CELF2: variants seen among roughly 807,000 people sequenced by gnomAD.
CELF2 encodes the protein CUG triplet repeat RNA-binding protein 2.
CELF2 carries 8 observed loss-of-function variants against 62.6 expected under a neutral mutation model. The ratio of observed to expected loss-of-function variants is 0.13; its 90% CI spans 0.07 to 0.23. The LOEUF (loss-of-function observed/expected upper bound fraction) is 0.23, where lower values mean the gene tolerates loss of function less well. Ranked by LOEUF, CELF2 falls within the 10% of genes least tolerant of loss-of-function variation. The pLI is 1.00. For missense variants in CELF2, 333 were observed against 671.0 expected (o/e 0.50, Z 5.56); for synonymous variants, 258 against 250.0 (o/e 1.03, Z -0.30).
At chr10:10,675,613 T>C in the CELF2 span, among the ~76,000 whole-genome samples, 1 of 152,150 alleles carries the variant, frequency 6.6e-6, no homozygotes, top group South Asian at 2.1e-4. Context: ...ATGTCTTTTT[T>C]TTAGTTTTCC....
chr10:10,660,334 A>AT, the CELF2 span, among the ~76,000 whole-genome samples: 3 of 152,194 alleles, frequency 2.0e-5, no homozygotes, highest in African/African-American at 7.2e-5. Context: ...GGATAAGAAA[A>AT]TTGCCCAAGT....
intron 2 of CELF2, among the ~76,000 whole-genome samples, chr10:11,186,795 A>G (rs906243997): frequency 1.3e-5 from 2 of 152,212 alleles, no homozygotes; most frequent in African/African-American, 4.8e-5. Context: ...GCAAAAATCC[A>G]ATACATTTAC....
the CELF2 span, among the ~76,000 whole-genome samples, chr10:10,667,453 T>G: frequency 1.3e-5 from 2 of 152,190 alleles, no homozygotes; most frequent in Non-Finnish European, 2.9e-5. Context: ...AAGGAGATGT[T>G]TTTTAGCACA....
the CELF2 span, among the ~76,000 whole-genome samples, chr10:10,666,335 C>T: frequency 6.6e-6 from 1 of 152,142 alleles, no homozygotes; most frequent in East Asian, 1.9e-4. Context: ...TCAGTGGGGG[C>T]AGGTTGTGGG....
At chr10:10,513,332 A>C in the CELF2 span, among the ~76,000 whole-genome samples, 11 of 152,254 alleles carry the variant, frequency 7.2e-5, no homozygotes, top group South Asian at 2.3e-3. Context: ...GCTAGACCTG[A>C]TTTACTGAAA....
At chr10:10,906,224 A>G (rs1425765885) in intron 1 of CELF2, among the ~76,000 whole-genome samples, 5 of 152,218 alleles carry the variant, frequency 3.3e-5, no homozygotes, top group Admixed American at 6.5e-5. Context: ...AAATATTCTT[A>G]ATTTCCAGAG....
intron 1 of CELF2, among the ~76,000 whole-genome samples, chr10:10,803,685 A>G (rs560421540): frequency 6.6e-6 from 1 of 152,330 alleles, no homozygotes; most frequent in South Asian, 2.1e-4. Flanking sequence ...TAATATTCTC[A>G]TCACAGCATT....
intron 2 of CELF2, chr10:10,966,771 A>G (rs1288372019): frequency 6.6e-6 from 1 of 152,256 alleles, no homozygotes; most frequent in African/African-American, 2.4e-5. Context: ...GTGAGTTCCC[A>G]GCAGTCCTGT....
At chr10:10,886,638 G>T (rs968576664) in intron 1 of CELF2, among the ~76,000 whole-genome samples, 5 of 152,152 alleles carry the variant, frequency 3.3e-5, no homozygotes, top group Non-Finnish European at 5.9e-5. Context: ...GAAGTTCAAG[G>T]CCAGCCTAGG....
chr10:10,866,649 C>G (rs1017333035), intron 1 of CELF2, among the ~76,000 whole-genome samples: 1 of 145,260 alleles, frequency 6.9e-6, no homozygotes, highest in Non-Finnish European at 1.5e-5. Context: ...AATCAGGTTT[C>G]GTGCAGCTAA....
At chr10:10,465,257 A>G in the CELF2 span, among the ~76,000 whole-genome samples, 1 of 152,178 alleles carries the variant, frequency 6.6e-6, no homozygotes, top group African/African-American at 2.4e-5. Context: ...CAGAATCTTC[A>G]GGAAACAAGA....
chr10:10,995,790 G>A lies in CELF2; in HGVS notation c.89+75791G>A, dbSNP rs1413163061. Among the ~76,000 whole-genome samples the A allele has an allele frequency of 3.9e-5, 6 of 152,186 alleles. No homozygotes were observed. The highest frequency in any genetic ancestry group is 1.3e-4 in the Admixed American group (2 of 15,280). On this transcript the variant is annotated intron_variant, in intron 2 of 13. Coordinates refer to the CELF2 transcript ENST00000636488. This position sits in a 1 kb window ranked among gnomAD's most constrained non-coding sequence, Gnocchi z 4.7. ...TCTGATGGCCTCAACTAACGTAGTA[G>A]AGATGGGAGGAAGTGGTTGGGAAAG... is the stretch of plus-strand genomic sequence containing the variant.
At chr10:11,230,258 T>C (rs1369545689) in intron 3 of CELF2, among the ~76,000 whole-genome samples, 1 of 152,242 alleles carries the variant, frequency 6.6e-6, no homozygotes, top group Non-Finnish European at 1.5e-5. Context: ...CATTTCACAG[T>C]GCGTCTGTGT....
chr10:10,720,695 C>T, the CELF2 span, among the ~76,000 whole-genome samples: 2 of 152,156 alleles, frequency 1.3e-5, no homozygotes, highest in African/African-American at 4.8e-5. Flanking sequence ...TTAGGTCTGC[C>T]TATTTAAACC....
the CELF2 span, among the ~76,000 whole-genome samples, chr10:10,499,602 G>T: frequency 6.6e-6 from 1 of 152,130 alleles, no homozygotes; most frequent in African/African-American, 2.4e-5. Context: ...ACTCCTGGCT[G>T]GGCACAGTGA....
intron 1 of CELF2, among the ~76,000 whole-genome samples, chr10:11,057,205 A>G (rs2065471150): frequency 6.6e-6 from 1 of 151,910 alleles, no homozygotes; most frequent in Non-Finnish European, 1.5e-5. Flanking sequence ...ATGAGATGCA[A>G]CAGAAGCTAA....
chr10:10,685,851 G>A, the CELF2 span, among the ~76,000 whole-genome samples: 1 of 152,120 alleles, frequency 6.6e-6, no homozygotes, highest in African/African-American at 2.4e-5. Context: ...ACATTTAGAA[G>A]GTGTCTAATC....
rs759455546 is a variant in CELF2, at chr10:11,008,706, G to A, written c.53+3266G>A. ...ACAAGGAAGAGTGTTACGTGGGGAC[G>A]ATCATTCTGTATTTAAGGTGTCAGA... On this transcript the variant is annotated intron_variant, in intron 1 of 12. Coordinates refer to the CELF2 transcript ENST00000416382. This position sits in a 1 kb window ranked among gnomAD's most constrained non-coding sequence, Gnocchi z 4.5. Among the ~76,000 whole-genome samples the A allele has an allele frequency of 1.3e-5, 2 of 152,032 alleles. No homozygotes were observed. Among genetic ancestry groups the A allele is most frequent in the Non-Finnish European group, 2.9e-5 (2 of 68,020 alleles).
the CELF2 span, among the ~76,000 whole-genome samples, chr10:10,489,207 TA>T: frequency 6.6e-6 from 1 of 152,030 alleles, no homozygotes; most frequent in African/African-American, 2.4e-5. Context: ...TGAAGGATAA[TA>T]ATGACTCAAC....
Sources: allele counts gnomAD v4.1 joint callset (sites outside exome capture counted in the v4.1 genomes callset), GRCh38; gene constraint gnomAD v4.1.1; non-coding constraint Gnocchi (gnomAD v3.1); transcripts MANE v1.5; gene names NCBI Gene and HGNC (gene_info 2026-07-23, HGNC 2026-07-21).